The following FAM171A1 variants were observed in gnomAD, a reference collection of about 807,000 sequenced individuals.
The protein encoded by FAM171A1 is family with sequence similarity 171 member A1, also known as protein FAM171A1.
Under a neutral mutation model 74.9 loss-of-function variants are expected in FAM171A1, and 23 were observed. The observed-to-expected ratio is 0.31, with a 90% CI of 0.22 to 0.44. FAM171A1 has a LOEUF of 0.44. Among genes scored for constraint, FAM171A1 ranks in the 20% least tolerant of loss-of-function variants. The pLI, the probability that FAM171A1 is intolerant of heterozygous loss-of-function variation, is 1.00. For synonymous variants in FAM171A1, 527 were observed against 505.7 expected (o/e 1.04, Z -0.57); for missense variants, 1,162 against 1,159.2 (o/e 1.00, Z -0.03).
chr10:15,319,994 T>C (rs1564277180), intron 1 of FAM171A1, among the ~76,000 whole-genome samples: 1 of 152,214 alleles, frequency 6.6e-6, no homozygotes, highest in Non-Finnish European at 1.5e-5. Flanking sequence ...GCTTCAGGGG[T>C]TTGTGACATG....
chr10:15,217,475 A>G (rs980785710), intron 6 of FAM171A1, among the ~76,000 whole-genome samples: 13 of 152,192 alleles, frequency 8.5e-5, no homozygotes, highest in African/African-American at 3.1e-4. Context: ...GATAAACCCA[A>G]GATTTACCAG....
chr10:15,245,691 G>A (rs529363189), intron 5 of FAM171A1, among the ~76,000 whole-genome samples: 1 of 152,214 alleles, frequency 6.6e-6, no homozygotes, highest in African/African-American at 2.4e-5. Context: ...GTGCCCCCCA[G>A]ACTCCCTGCT....
At chr10:15,362,549 C>A (rs1836006714) in intron 1 of FAM171A1, among the ~76,000 whole-genome samples, 1 of 152,110 alleles carries the variant, frequency 6.6e-6, no homozygotes, top group Non-Finnish European at 1.5e-5. Context: ...TGGGGTGAAA[C>A]CCCATCTCTA....
At chr10:15,330,369 T>A (rs945411314) in intron 1 of FAM171A1, among the ~76,000 whole-genome samples, 6 of 152,012 alleles carry the variant, frequency 3.9e-5, no homozygotes, top group South Asian at 2.1e-4. Context: ...AAAATCATGA[T>A]CCTCTCATAT....
At chr10:15,268,838 T>C (rs1834783428) in intron 3 of FAM171A1, among the ~76,000 whole-genome samples, 1 of 152,106 alleles carries the variant, frequency 6.6e-6, no homozygotes, top group African/African-American at 2.4e-5. Context: ...GGTCAGGAGT[T>C]TGAGACAAGC....
At chr10:15,241,658 C>G (rs1834365857) in intron 5 of FAM171A1, 1 of 152,070 alleles carries the variant, frequency 6.6e-6, no homozygotes, top group Admixed American at 6.6e-5. Context: ...AGATGTCTGA[C>G]CTGATGTTTT....
In FAM171A1 at chr10:15,248,704, A is replaced by T; in HGVS notation, c.689T>A (p.Leu230Gln). The T allele has an allele frequency of 6.2e-7, 1 of 1,613,374 alleles. No individual in the cohort carries two copies. Among genetic ancestry groups the T allele is most frequent in the Non-Finnish European group, 8.5e-7 (1 of 1,179,638 alleles). The change falls in exon 5 of 8, where the codon CTG becomes CAG. Residue 230 changes from leucine to glutamine, a missense_variant. Leu to Gln is a moderately radical substitution (Grantham distance 113, BLOSUM62 -2). Coordinates refer to ENST00000378116, the MANE Select transcript of FAM171A1 (RefSeq NM_001010924.2). ...GTGCCTCAGGCTGCTCTGCGTGGCC[A>T]GGGGCACAGTGACATAGATGGGACC... is the stretch of plus-strand genomic sequence containing the variant. ...VDGPIYVTVP[L>Q]ATQSSLRHNA...
Position 15,254,702 on chromosome 10 carries a change from G to A in FAM171A1, c.577+19C>T. On this transcript the variant is annotated intron_variant, in intron 4 of 7. Transcript: ENST00000378116. ...AAAACACAGTAACTCCCACTGAAAA[G>A]AGAAAAGACTCCAATTACCTGTTCC... 6.2e-7 allele frequency: 1 copy of A among 1,609,166 alleles called. No homozygotes were observed. Among genetic ancestry groups the A allele is most frequent in the Non-Finnish European group, 8.5e-7 (1 of 1,176,840 alleles).
At chr10:15,283,722 C>T (rs760390355) in intron 2 of FAM171A1, among the ~76,000 whole-genome samples, 156 bp downstream of exon 2, 2 of 152,170 alleles carry the variant, frequency 1.3e-5, no homozygotes, top group Non-Finnish European at 2.9e-5. Flanking sequence ...GTAGCTGGGA[C>T]TACAGGTGCA....
At chr10:15,270,271 C>T (rs906144170) in intron 3 of FAM171A1, among the ~76,000 whole-genome samples, 4 of 152,150 alleles carry the variant, frequency 2.6e-5, no homozygotes, top group East Asian at 1.9e-4. Context: ...CATGGAGCCT[C>T]GCTCACTGCT....
At chr10:15,259,117 C>G (rs1834623295) in intron 3 of FAM171A1, among the ~76,000 whole-genome samples, 2 of 152,180 alleles carry the variant, frequency 1.3e-5, no homozygotes, top group African/African-American at 4.8e-5. Flanking sequence ...AGGTCACCAT[C>G]ATCATTCTCC....
intron 5 of FAM171A1, among the ~76,000 whole-genome samples, chr10:15,227,146 C>T (rs1834119329): frequency 1.3e-5 from 2 of 152,032 alleles, no homozygotes; most frequent in African/African-American, 4.8e-5. Context: ...ATTACAGGCA[C>T]CTGCCACCAC....
chr10:15,270,044 C>T (rs1372259785), intron 3 of FAM171A1, among the ~76,000 whole-genome samples: 1 of 152,132 alleles, frequency 6.6e-6, no homozygotes, highest in Non-Finnish European at 1.5e-5. Flanking sequence ...TGGGGCTTGT[C>T]GGACAGTAGG....
chr10:15,271,748 G>T (rs983388398), intron 3 of FAM171A1, among the ~76,000 whole-genome samples: 3 of 152,194 alleles, frequency 2.0e-5, no homozygotes, highest in African/African-American at 7.2e-5. Flanking sequence ...TTAAAGAAAA[G>T]AATTTTCAAC....
At chr10:15,363,469 T>C (rs978792383) in intron 1 of FAM171A1, among the ~76,000 whole-genome samples, 2 of 152,224 alleles carry the variant, frequency 1.3e-5, no homozygotes, top group Admixed American at 1.3e-4. Flanking sequence ...GAGACAAAGA[T>C]GCTACCTTAA....
chr10:15,241,838 G>A lies in FAM171A1; in HGVS notation c.754+6801C>T, dbSNP rs150370299. On this transcript the variant is annotated intron_variant, in intron 5 of 7. Coordinates refer to ENST00000378116, the MANE Select transcript of FAM171A1 (RefSeq NM_001010924.2). ...TAGCAGGCTTTGCATTAAGTCTCTGGAGCTTAATCATCCTGAAGAACTAAA... is the reference window on the plus strand; with the variant it reads ...TAGCAGGCTTTGCATTAAGTCTCTGAAGCTTAATCATCCTGAAGAACTAAA... 1.8e-4 allele frequency: 27 copies of A among 151,998 alleles called. No individual in the cohort carries two copies. The East Asian group carries it at 2.7e-3, about 15-fold the overall frequency. 9.4% of individuals were successfully genotyped at this position (151,998 alleles called of 1,614,324 possible).
chr10:15,298,881 C>A (rs113733210), intron 1 of FAM171A1, among the ~76,000 whole-genome samples: 35 of 152,266 alleles, frequency 2.3e-4, no homozygotes, highest in East Asian at 9.6e-4. Flanking sequence ...GAAATCCCCA[C>A]AACAAGCCAC....
At chr10:15,279,137 C>A (rs936595481) in intron 2 of FAM171A1, among the ~76,000 whole-genome samples, 1 of 152,192 alleles carries the variant, frequency 6.6e-6, no homozygotes. Flanking sequence ...CCGAAATCAC[C>A]TGTGATCATC....
At chr10:15,214,816 A>G (rs1393156547) in intron 7 of FAM171A1, among the ~76,000 whole-genome samples, 1 of 148,986 alleles carries the variant, frequency 6.7e-6, no homozygotes, top group Non-Finnish European at 1.5e-5. Flanking sequence ...GTTGGAGTGC[A>G]GTGCTATGAT....
Sources: allele counts gnomAD v4.1 joint callset (sites outside exome capture counted in the v4.1 genomes callset), GRCh38; gene constraint gnomAD v4.1.1; transcripts MANE v1.5; gene names NCBI Gene and HGNC (gene_info 2026-07-23, HGNC 2026-07-21).